Variants in DLGAP1 observed in about 807,000 individuals in gnomAD.
The protein encoded by DLGAP1 is disks large-associated protein 1.
A neutral mutation model predicts 90.8 loss-of-function variants in DLGAP1; 11 were observed. The observed-to-expected ratio is 0.12, with a 90% confidence interval of 0.08 to 0.20. The LOEUF (loss-of-function observed/expected upper bound fraction) is 0.20, where lower values mean the gene tolerates loss of function less well. Ranked by LOEUF, DLGAP1 falls within the 10% of genes least tolerant of loss-of-function variation. DLGAP1 has a pLI of 1.00. For synonymous variants in DLGAP1, 558 were observed against 540.7 expected (o/e 1.03, Z -0.44); for missense variants, 1,050 against 1,333.8 (o/e 0.79, Z 3.31).
rs1239987469 is a variant in DLGAP1 at position 3,610,690 on chromosome 18, A to G, written c.1592-28442T>C. On this transcript the variant is annotated intron_variant, in intron 7 of 12. Coordinates refer to ENST00000315677, the MANE Select transcript of DLGAP1 (RefSeq NM_004746.4). Reference sequence around the variant, plus strand: ...TCTACTAAAAATACAAAAAAAAAAAATAGCCAGATGTTGTGGCACATGCCT... The same window carrying G: ...TCTACTAAAAATACAAAAAAAAAAAGTAGCCAGATGTTGTGGCACATGCCT... Among the ~76,000 whole-genome samples the G allele has an allele frequency of 2.0e-5, 3 of 151,962 alleles. No individual in the cohort carries two copies. In the East Asian group the frequency reaches 5.8e-4, roughly 29 times the overall value.
chr18:3,827,059 A>G (rs2067758170), intron 4 of DLGAP1, among the ~76,000 whole-genome samples: 1 of 152,158 alleles, frequency 6.6e-6, no homozygotes, highest in African/African-American at 2.4e-5. Context: ...TAGACTCAGG[A>G]TGGAAATTAG....
chr18:3,692,670 C>T (rs1045558247), intron 7 of DLGAP1, among the ~76,000 whole-genome samples: 7 of 152,204 alleles, frequency 4.6e-5, no homozygotes, highest in African/African-American at 1.7e-4. Flanking sequence ...CTACTCAGTA[C>T]TTTAAAGATT....
intron 1 of DLGAP1, among the ~76,000 whole-genome samples, chr18:4,184,251 C>G (rs999075553): frequency 1.3e-5 from 2 of 152,134 alleles, no homozygotes; most frequent in Non-Finnish European, 2.9e-5. Flanking sequence ...CTACATTTGG[C>G]ACTGGAACCA....
At chr18:3,576,384 G>A (rs889696874) in intron 8 of DLGAP1, among the ~76,000 whole-genome samples, 4 of 148,490 alleles carry the variant, frequency 2.7e-5, no homozygotes, top group African/African-American at 1.0e-4. Flanking sequence ...TCAGCCTCCC[G>A]AGTACTTGAT....
chr18:3,791,295 T>C (rs949746813), intron 5 of DLGAP1, among the ~76,000 whole-genome samples: 11 of 152,242 alleles, frequency 7.2e-5, no homozygotes, highest in Non-Finnish European at 1.3e-4. Flanking sequence ...TAATATAGCG[T>C]AGCAGTACTC....
chr18:4,360,092 A>G (rs2081599972), intron 1 of DLGAP1, among the ~76,000 whole-genome samples: 1 of 152,172 alleles, frequency 6.6e-6, no homozygotes, highest in Admixed American at 6.5e-5. Context: ...TGGAAAAATA[A>G]TATGAATTTG....
chr18:3,810,559 G>A (rs1013692084), intron 5 of DLGAP1, among the ~76,000 whole-genome samples: 1 of 152,074 alleles, frequency 6.6e-6, no homozygotes, highest in African/African-American at 2.4e-5. Flanking sequence ...CGACTTAAAT[G>A]TCAAAGAAGT....
chr18:4,191,963 A>G (rs914045480), intron 1 of DLGAP1, among the ~76,000 whole-genome samples: 2 of 152,190 alleles, frequency 1.3e-5, no homozygotes, highest in Non-Finnish European at 2.9e-5. Context: ...TATTTCTTAA[A>G]TAACTAAACT....
chr18:3,764,682 T>TA (rs1405435182), intron 5 of DLGAP1, among the ~76,000 whole-genome samples: 4 of 152,232 alleles, frequency 2.6e-5, no homozygotes, highest in African/African-American at 9.6e-5. Flanking sequence ...ATTTGCAGTC[T>TA]AAAAAAATCT....
rs1377638076 is a variant in DLGAP1, at chr18:3,598,720, G to C, written c.1592-16472C>G. ...TGACGTCAAGCGATCTGCCTGCCTTGGCCTCCCAAAGTGCTGGGATTAAGG... is the reference window on the plus strand; with the variant it reads ...TGACGTCAAGCGATCTGCCTGCCTTCGCCTCCCAAAGTGCTGGGATTAAGG... On this transcript the variant is annotated intron_variant, in intron 7 of 12. Coordinates refer to ENST00000315677, the MANE Select transcript of DLGAP1 (RefSeq NM_004746.4). Among the ~76,000 whole-genome samples the C allele has an allele frequency of 2.0e-5, 3 of 151,576 alleles. No homozygotes were observed. The South Asian group carries it at 6.3e-4, about 32-fold the overall frequency.
At chr18:3,585,746 C>T (rs1369667276) in intron 7 of DLGAP1, among the ~76,000 whole-genome samples, 1 of 152,132 alleles carries the variant, frequency 6.6e-6, no homozygotes, top group African/African-American at 2.4e-5. Context: ...GAGTTGCAGA[C>T]CAGCCTGGGC....
At chr18:3,542,909 G>A (rs2052773002) in intron 9 of DLGAP1, among the ~76,000 whole-genome samples, 1 of 152,174 alleles carries the variant, frequency 6.6e-6, no homozygotes, top group South Asian at 2.1e-4. Flanking sequence ...CAGCAATATA[G>A]CTACCTGGGA....
chr18:4,157,615 A>G (rs1010156418), intron 1 of DLGAP1, among the ~76,000 whole-genome samples: 1 of 152,168 alleles, frequency 6.6e-6, no homozygotes, highest in African/African-American at 2.4e-5. Flanking sequence ...TAGTAGTTGA[A>G]CCAGTGTTTT....
intron 2 of DLGAP1, among the ~76,000 whole-genome samples, chr18:4,053,641 C>T (rs1282465621): frequency 6.6e-6 from 1 of 152,198 alleles, no homozygotes; most frequent in Non-Finnish European, 1.5e-5. Context: ...CCTGCTTCCC[C>T]TTCACCTTTC....
intron 3 of DLGAP1, among the ~76,000 whole-genome samples, chr18:3,955,338 T>C (rs1419778438): frequency 6.6e-6 from 1 of 152,134 alleles, no homozygotes; most frequent in Non-Finnish European, 1.5e-5. Context: ...GAACAAAACA[T>C]AAGAATATTT....
chr18:4,120,337 T>C (rs947890330), intron 2 of DLGAP1, among the ~76,000 whole-genome samples: 2 of 152,252 alleles, frequency 1.3e-5, no homozygotes, highest in Non-Finnish European at 2.9e-5. Flanking sequence ...AGTTAAATCC[T>C]TCATCCTAAA....
intron 3 of DLGAP1, among the ~76,000 whole-genome samples, chr18:3,906,578 A>T (rs766597842): frequency 2.6e-5 from 4 of 152,232 alleles, no homozygotes; most frequent in African/African-American, 4.8e-5. Flanking sequence ...TACGTAATTT[A>T]AATGTTACAA....
intron 2 of DLGAP1, among the ~76,000 whole-genome samples, chr18:4,147,773 C>G (rs2144370331): frequency 6.6e-6 from 1 of 152,320 alleles, no homozygotes; most frequent in Middle Eastern, 3.4e-3. Flanking sequence ...TGTTATTAAA[C>G]TAACACACCT....
chr18:3,550,734 CTTTTTTTTTTTTT>C (rs1165404588), intron 9 of DLGAP1, among the ~76,000 whole-genome samples: 2 of 85,204 alleles, frequency 2.3e-5, no homozygotes, highest in Non-Finnish European at 4.5e-5. Flanking sequence ...GAACCAGACC[CTTTTTTTTTTTTT>C]TTTTTTTTTT....
Sources: allele counts gnomAD v4.1 joint callset (sites outside exome capture counted in the v4.1 genomes callset), GRCh38; gene constraint gnomAD v4.1.1; transcripts MANE v1.5; gene names NCBI Gene and HGNC (gene_info 2026-07-23, HGNC 2026-07-21).